The following GPC5 variants were observed in gnomAD, a reference collection of about 807,000 sequenced individuals.
GPC5 encodes the protein glypican 5, also known as glypican-5.
GPC5 carries 47 observed loss-of-function variants against 53.9 expected under a neutral mutation model. That is an observed-to-expected ratio of 0.87 (90% CI 0.69 to 1.11). The LOEUF is 1.11. GPC5 is among the 50% of genes most tolerant of loss of function. GPC5 has a pLI of 0.00. For missense variants in GPC5, 748 were observed against 713.1 expected (o/e 1.05, Z -0.56); for synonymous variants, 286 against 263.3 (o/e 1.09, Z -0.84).
chr13:92,422,531 CA>C (rs879727847), intron 7 of GPC5, among the ~76,000 whole-genome samples: 2 of 134,784 alleles, frequency 1.5e-5, no homozygotes, highest in African/African-American at 2.9e-5. Context: ...CACACACACA[CA>C]ACTTCTTGGA....
chr13:92,235,556 G>A (rs1218881458), intron 7 of GPC5, among the ~76,000 whole-genome samples: 1 of 151,924 alleles, frequency 6.6e-6, no homozygotes, highest in African/African-American at 2.4e-5. Flanking sequence ...TAAGTAGGAT[G>A]GTGTTCGATT....
At chr13:92,414,430 G>A (rs1876188576) in intron 7 of GPC5, among the ~76,000 whole-genome samples, 1 of 151,666 alleles carries the variant, frequency 6.6e-6, no homozygotes. Flanking sequence ...ACTTGAACCG[G>A]AGAGGTGGAG....
intron 7 of GPC5, among the ~76,000 whole-genome samples, chr13:92,385,592 T>A (rs1478165078): frequency 1.4e-5 from 2 of 142,578 alleles, no homozygotes; most frequent in East Asian, 4.0e-4. Context: ...TATATACGCA[T>A]ATATACATAT....
At chr13:91,416,182 C>T (rs1199188074) in intron 1 of GPC5, among the ~76,000 whole-genome samples, 1 of 152,108 alleles carries the variant, frequency 6.6e-6, no homozygotes, top group Admixed American at 6.6e-5. Flanking sequence ...TGCCCATTCC[C>T]ACCCAAAATG....
rs148250750 is a variant in GPC5, at chr13:92,666,629, A to T, written c.1562-199653A>T. Among the ~76,000 whole-genome samples the T allele has an allele frequency of 8.5e-5, 13 of 152,366 alleles. No individual in the cohort carries two copies. The East Asian group carries it at 1.9e-3, about 23-fold the overall frequency. ...GGCAATTTTATAAGAAGATTAGTAG[A>T]CTAGTGAATTAAAATTTCCATTTCC... is the stretch of plus-strand genomic sequence containing the variant. On this transcript the variant is annotated intron_variant, in intron 7 of 7. Coordinates refer to ENST00000377067, the MANE Select transcript of GPC5 (RefSeq NM_004466.6).
chr13:92,647,611 A>G (rs1885816630), intron 7 of GPC5, among the ~76,000 whole-genome samples: 1 of 152,136 alleles, frequency 6.6e-6, no homozygotes, highest in African/African-American at 2.4e-5. Context: ...TTGAACTCTA[A>G]TCTGAAATAC....
Position 92,781,914 on chromosome 13 carries a change from C to T in GPC5, c.1562-84368C>T, listed in dbSNP as rs571935522. The stretch of plus-strand genomic sequence containing the variant: ...TGACGCTGCAGAGCAAGGTAATTGC[C>T]AAAATAATTATCAATAATGTGCACA... On this transcript the variant is annotated intron_variant, in intron 7 of 7. Coordinates refer to ENST00000377067, the MANE Select transcript of GPC5 (RefSeq NM_004466.6). 2.0e-5 allele frequency among the ~76,000 whole-genome samples: 3 copies of T among 152,132 alleles called. No individual in the cohort carries two copies. The East Asian group carries it at 5.8e-4, about 29-fold the overall frequency.
intron 6 of GPC5, among the ~76,000 whole-genome samples, chr13:91,957,336 G>A (rs189785604): frequency 2.6e-5 from 4 of 152,202 alleles, no homozygotes; most frequent in African/African-American, 9.6e-5. Context: ...ACACCATAAA[G>A]CAACCAAATA....
intron 7 of GPC5, among the ~76,000 whole-genome samples, chr13:92,679,396 T>C (rs1393975378): frequency 6.6e-6 from 1 of 152,162 alleles, no homozygotes; most frequent in Admixed American, 6.5e-5. Context: ...AGCAGGATTT[T>C]TCATGTACAA....
intron 6 of GPC5, among the ~76,000 whole-genome samples, chr13:92,064,362 G>A (rs1566419470): frequency 6.6e-6 from 1 of 152,196 alleles, no homozygotes; most frequent in Non-Finnish European, 1.5e-5. Flanking sequence ...AGTTTCTGAT[G>A]TAATTGGTCT....
chr13:92,679,152 C>T (rs1887040497), intron 7 of GPC5, among the ~76,000 whole-genome samples: 1 of 152,076 alleles, frequency 6.6e-6, no homozygotes, highest in South Asian at 2.1e-4. Flanking sequence ...TATTTGAAGC[C>T]ATGAGACTGG....
chr13:92,779,666 T>C (rs539533137), intron 7 of GPC5, among the ~76,000 whole-genome samples: 8 of 152,206 alleles, frequency 5.3e-5, no homozygotes, highest in Non-Finnish European at 1.0e-4. Flanking sequence ...CCTCAACCTA[T>C]ATTTTTTAAC....
At chr13:91,716,207 T>C (rs1221665066) in intron 3 of GPC5, among the ~76,000 whole-genome samples, 1 of 152,230 alleles carries the variant, frequency 6.6e-6, no homozygotes, top group East Asian at 1.9e-4. Flanking sequence ...AAATGATCTA[T>C]TGAGCATCCT....
At chr13:91,527,549 G>A (rs1886145347) in intron 2 of GPC5, among the ~76,000 whole-genome samples, 1 of 152,236 alleles carries the variant, frequency 6.6e-6, no homozygotes, top group African/African-American at 2.4e-5. Context: ...CATGGGGTAA[G>A]CTGTTGGTGG....
At chr13:92,344,250 G>A (rs2043391182) in intron 7 of GPC5, among the ~76,000 whole-genome samples, 1 of 152,008 alleles carries the variant, frequency 6.6e-6, no homozygotes, top group Admixed American at 6.6e-5. Flanking sequence ...AAGTAAAGAG[G>A]GGAAACCCCT....
At chr13:92,776,774 C>T (rs1479721156) in intron 7 of GPC5, among the ~76,000 whole-genome samples, 2 of 151,984 alleles carry the variant, frequency 1.3e-5, no homozygotes, top group African/African-American at 4.8e-5. Flanking sequence ...CCTGATCATA[C>T]CCTGTCTTTC....
intron 7 of GPC5, among the ~76,000 whole-genome samples, chr13:92,718,011 C>A (rs1212457538): frequency 6.6e-6 from 1 of 152,128 alleles, no homozygotes; most frequent in African/African-American, 2.4e-5. Context: ...TATCATCTCA[C>A]CCCAGTTAAA....
At chr13:92,664,541 A>G (rs1410222225) in intron 7 of GPC5, among the ~76,000 whole-genome samples, 1 of 152,160 alleles carries the variant, frequency 6.6e-6, no homozygotes, top group Non-Finnish European at 1.5e-5. Context: ...CTTACTAAAA[A>G]TTATTGAGTT....
chr13:91,479,222 T>C (rs1883175272), intron 2 of GPC5, among the ~76,000 whole-genome samples: 1 of 152,068 alleles, frequency 6.6e-6, no homozygotes, highest in African/African-American at 2.4e-5. Context: ...CTTTAATTAA[T>C]ATATTTCATT....
Sources: gnomAD v4.1 joint callset for allele counts (sites outside exome capture counted in the v4.1 genomes callset) on GRCh38, gnomAD v4.1.1 for gene constraint, MANE v1.5 for transcripts, NCBI Gene and HGNC (gene_info 2026-07-23, HGNC 2026-07-21) for gene names.